Variants in BARD1 observed in about 807,000 individuals in gnomAD.
BARD1 encodes the protein BRCA1-associated RING domain protein 1.
In BARD1, 73 loss-of-function variants were observed where a neutral mutation model predicts 77.0. The ratio of observed to expected loss-of-function variants is 0.95; its 90% confidence interval spans 0.79 to 1.15. The LOEUF (loss-of-function observed/expected upper bound fraction) is 1.15, where lower values mean the gene tolerates loss of function less well. Ranked by LOEUF, BARD1 falls within the 50% of genes most tolerant of loss-of-function variation. BARD1 has a pLI of 0.00. For synonymous variants in BARD1, 384 were observed against 338.0 expected, an observed-to-expected ratio of 1.14 and a Z score of -1.49; for missense variants, 993 against 938.8, an observed-to-expected ratio of 1.06 and a Z score of -0.75.
chr2:214,791,473 C>A (rs1695508810), intron 3 of BARD1, among the ~76,000 whole-genome samples: 1 of 152,188 alleles, frequency 6.6e-6, no homozygotes. Flanking sequence ...ACTAAAATAG[C>A]ATGATCTGGT....
At chr2:214,792,211 G>C (rs1176193659) in intron 3 of BARD1, 86 bp downstream of exon 3, 1 of 1,251,216 alleles carries the variant, frequency 8.0e-7, no homozygotes, top group African/African-American at 1.6e-5. Flanking sequence ...CAGAACTCCA[G>C]ATAGATGTTT....
chr2:214,782,565 C>G (rs1343362161), intron 3 of BARD1, among the ~76,000 whole-genome samples: 1 of 151,630 alleles, frequency 6.6e-6, no homozygotes, highest in East Asian at 1.9e-4. Context: ...TGAGGGTAGA[C>G]AGAATATACA....
In BARD1 at chr2:214,772,151, A is replaced by C. The variant is rs182765208; in HGVS notation, c.1315-2839T>G. ...CAGCTAATTTTTTTTATTGTTTTGT[A>C]GAGATGGGGGTCTCACTATGTTGCC... On this transcript the variant is annotated intron_variant, in intron 4 of 10. Coordinates refer to ENST00000260947, the MANE Select transcript of BARD1 (RefSeq NM_000465.4). Among the ~76,000 whole-genome samples, 109 of 152,140 alleles carry C rather than the reference A, an allele frequency of 7.2e-4. 1 individual carries two copies. The highest frequency in any genetic ancestry group is 2.6e-3 in the African/African-American group (109 of 41,482).
intron 1 of BARD1, among the ~76,000 whole-genome samples, chr2:214,802,572 A>AT (rs111535702): frequency 6.6e-6 from 1 of 151,666 alleles, no homozygotes; most frequent in Non-Finnish European, 1.5e-5. Flanking sequence ...CTTAACTTTC[A>AT]TTTTTTCTGA....
At position 214,728,824 on chromosome 2, in the gene BARD1, T is replaced by C. The variant is rs1337993937; in HGVS notation, c.2186A>G (p.Asp729Gly). 6.2e-7 allele frequency: 1 copy of C among 1,614,210 alleles called. No homozygotes were observed. The highest frequency in any genetic ancestry group is 1.1e-5 in the South Asian group (1 of 91,088). Residue 729 changes from aspartate (D) to glycine (G), a missense_variant, in exon 11 of 11, where the codon GAT becomes GGT. Coordinates refer to ENST00000260947, the MANE Select transcript of BARD1 (RefSeq NM_000465.4). ...TVAYHARPDS[D>G]QRFCTQYIIY... is the part of the protein sequence containing the mutation. ...GATATACTGTGTGCAGAAGCGCTGA[T>C]CAGAATCGGGTCTCGCATGGTATGC...
chr2:214,752,399 C>A (rs747157856), intron 7 of BARD1, 48 bp downstream of exon 7: 1 of 1,502,700 alleles, frequency 6.7e-7, no homozygotes, highest in East Asian at 2.3e-5. Flanking sequence ...CTTTCATAAC[C>A]AATTTTAATA....
rs1165259322 is a variant in BARD1 at position 214,728,373 on chromosome 2, A to G, written c.*303T>C. On this transcript the variant is annotated 3_prime_UTR_variant, in exon 11 of 11. Coordinates refer to ENST00000260947, the MANE Select transcript of BARD1 (RefSeq NM_000465.4). ...CAAACAGTAATGATACCACTTGTCT[A>G]TTTAACCAAGATTCTGGTGTCCTCA... The G allele has an allele frequency of 2.7e-5, 10 of 368,092 alleles. No homozygotes were observed. The highest frequency in any genetic ancestry group is 2.1e-4 in the African/African-American group (10 of 48,420). 22.8% of individuals were successfully genotyped at this position (368,092 alleles called of 1,614,324 possible). A position where few individuals can be genotyped will look rare whatever the true frequency, so the allele number is the denominator to read the frequency against.
At chr2:214,729,052 T>C (rs1692233773) in intron 10 of BARD1, 44 bp from the exon 11 acceptor site, 1 of 1,574,026 alleles carries the variant, frequency 6.4e-7, no homozygotes. Flanking sequence ...ATCAAAATAC[T>C]GTATTCAAAA....
chr2:214,767,317 G>T (rs1360149504), intron 6 of BARD1, among the ~76,000 whole-genome samples, 165 bp downstream of exon 6: 1 of 146,636 alleles, frequency 6.8e-6, no homozygotes, highest in Non-Finnish European at 1.5e-5. Context: ...CATAAAAAGG[G>T]CATGAAGGCT....
intron 7 of BARD1, among the ~76,000 whole-genome samples, chr2:214,751,103 GTGTGTGTGTGTGTGTA>G (rs1474754313): frequency 1.7e-4 from 3 of 17,584 alleles, no homozygotes; most frequent in Admixed American, 6.6e-4. Flanking sequence ...GTGTGTGTGT[GTGTGTGTGTGTGTGTA>G]TATATATATA....
At chr2:214,780,116 TGGAGA>T (rs981641550) in intron 4 of BARD1, among the ~76,000 whole-genome samples, 2 of 152,182 alleles carry the variant, frequency 1.3e-5, no homozygotes, top group Admixed American at 1.3e-4. Context: ...TCCCGGTCAT[TGGAGA>T]AATGTACAGA....
chr2:214,759,670 T>C (rs1693857624), intron 6 of BARD1, among the ~76,000 whole-genome samples: 1 of 152,166 alleles, frequency 6.6e-6, no homozygotes. Context: ...AGTAGATATA[T>C]GACTTTCCAC....
chr2:214,733,653 A>G (rs368285978), intron 9 of BARD1, among the ~76,000 whole-genome samples: 1 of 152,158 alleles, frequency 6.6e-6, no homozygotes, highest in Non-Finnish European at 1.5e-5. Flanking sequence ...TTTCATTAAT[A>G]TTGTATGCTC....
At chr2:214,792,814 T>C (rs1401002521) in intron 2 of BARD1, among the ~76,000 whole-genome samples, 1 of 152,158 alleles carries the variant, frequency 6.6e-6, no homozygotes, top group Admixed American at 6.6e-5. Context: ...CCAAAACTAC[T>C]GCAGACACTG....
At chr2:214,735,687 T>C (rs1344158680) in intron 9 of BARD1, among the ~76,000 whole-genome samples, 1 of 152,152 alleles carries the variant, frequency 6.6e-6, no homozygotes, top group Non-Finnish European at 1.5e-5. Flanking sequence ...TATAACTTAG[T>C]GGTACACAAG....
At chr2:214,755,729 T>C (rs1174999080) in intron 6 of BARD1, among the ~76,000 whole-genome samples, 7 of 152,116 alleles carry the variant, frequency 4.6e-5, no homozygotes, top group Admixed American at 1.3e-4. Flanking sequence ...TGCTCATGTG[T>C]AGAAACCAAA....
At chr2:214,729,659 T>C (rs1574705412) in intron 10 of BARD1, among the ~76,000 whole-genome samples, 1 of 152,226 alleles carries the variant, frequency 6.6e-6, no homozygotes, top group Admixed American at 6.5e-5. Context: ...TCAAACTTTT[T>C]TCATCAGGAT....
chr2:214,756,060 T>G (rs919574502), intron 6 of BARD1, among the ~76,000 whole-genome samples: 2 of 152,160 alleles, frequency 1.3e-5, no homozygotes, highest in African/African-American at 4.8e-5. Context: ...ATAATATACT[T>G]TACCTATACT....
intron 6 of BARD1, among the ~76,000 whole-genome samples, chr2:214,755,941 C>A (rs926183177): frequency 6.6e-6 from 1 of 152,092 alleles, no homozygotes; most frequent in African/African-American, 2.4e-5. Flanking sequence ...ATCTAGTACA[C>A]GACAGTATAT....
Sources: gnomAD v4.1 joint callset for allele counts (sites outside exome capture counted in the v4.1 genomes callset) on GRCh38, gnomAD v4.1.1 for gene constraint, MANE v1.5 for transcripts, NCBI Gene and HGNC (gene_info 2026-07-23, HGNC 2026-07-21) for gene names.